Variants in ABTB2 observed in about 807,000 individuals in gnomAD.
ABTB2 encodes the protein ankyrin repeat and BTB domain containing 2, also known as ankyrin repeat and BTB/POZ domain-containing protein 2.
Under a neutral mutation model 104.1 loss-of-function variants are expected in ABTB2, and 56 were observed. That is an observed-to-expected ratio of 0.54 (90% CI 0.43 to 0.67). The LOEUF (loss-of-function observed/expected upper bound fraction) is 0.67, where lower values mean the gene tolerates loss of function less well. Among genes scored for constraint, ABTB2 ranks in the 30% least tolerant of loss-of-function variants. The pLI, the probability that ABTB2 is intolerant of heterozygous loss-of-function variation, is 0.00. For missense variants in ABTB2, 1,279 were observed against 1,407.7 expected, an observed-to-expected ratio of 0.91 and a Z score of 1.46; for synonymous variants, 606 against 608.2, an observed-to-expected ratio of 1.00 and a Z score of 0.05.
chr11:34,314,721 T>G (rs1045788776), intron 1 of ABTB2, among the ~76,000 whole-genome samples: 4 of 152,142 alleles, frequency 2.6e-5, no homozygotes, highest in African/African-American at 9.7e-5. Flanking sequence ...TTAGAAGGAC[T>G]GGCTAGATAA....
Position 34,157,878 on chromosome 11 carries a change from T to C in ABTB2, c.2697+1418A>G, listed in dbSNP as rs1852651462. Among the ~76,000 whole-genome samples the C allele has an allele frequency of 2.6e-5, 4 of 152,230 alleles. No individual in the cohort carries two copies. The South Asian group carries it at 8.3e-4, about 32-fold the overall frequency. ...GCCCCCTTCCATCCCTTCTTACCGC[T>C]GCAAATGCAAACTTGGCTGTTTTGC... is the stretch of plus-strand genomic sequence containing the variant. On this transcript the variant is annotated intron_variant, in intron 14 of 16. Transcript: ENST00000435224.
Position 34,152,273 on chromosome 11 carries a change from G to A in ABTB2, c.*114C>T. ...GGTGACAGGGGGGACATCTGGGGGA[G>A]GAGGAGGAAACAGCCCCGTGAACCT... On this transcript the variant is annotated 3_prime_UTR_variant, in exon 17 of 17. Coordinates refer to ENST00000435224, the MANE Select transcript of ABTB2 (RefSeq NM_145804.3). The A allele has an allele frequency of 8.5e-7, 1 of 1,172,340 alleles. No homozygotes were observed. Among genetic ancestry groups the A allele is most frequent in the East Asian group, 2.6e-5 (1 of 38,868 alleles). The allele number at this position is 1,172,340 out of a possible 1,614,324, so 72.6% of individuals were successfully genotyped here.
rs188820629 is a variant in ABTB2 at position 34,301,272 on chromosome 11, G to C, written c.883+55429C>G. ...AGTGCTTCCTTCTTTCCCGTAGTTA[G>C]TGTTTTTCAAAGAACATCATCTTGC... is the stretch of plus-strand genomic sequence containing the variant. On this transcript the variant is annotated intron_variant, in intron 1 of 16. Transcript: ENST00000435224. 2.0e-5 allele frequency among the ~76,000 whole-genome samples: 3 copies of C among 152,212 alleles called. No homozygotes were observed. In the East Asian group the frequency reaches 5.8e-4, roughly 29 times the overall value.
At chr11:34,253,399 T>G (rs373168455) in intron 1 of ABTB2, among the ~76,000 whole-genome samples, 1 of 152,214 alleles carries the variant, frequency 6.6e-6, no homozygotes. Flanking sequence ...CTTTCAAGGC[T>G]GGGCACAGTG....
In ABTB2 at chr11:34,357,450, G is replaced by C; in HGVS notation, c.134C>G (p.Ser45Trp). ...SKSNSQALNS[S>W]AQQHRGAAWW... ...GGCCGCCCCGCGGTGCTGCTGCGCC[G>C]AAGAGTTGAGCGCCTGCGAGTTGGA... Residue 45 changes from serine (S) to tryptophan (W), a missense_variant, in exon 1 of 17, where the codon TCG becomes TGG. Transcript: ENST00000435224. 2 of 1,548,274 alleles carry C rather than the reference G, an allele frequency of 1.3e-6. No individual in the cohort carries two copies. Among genetic ancestry groups the C allele is most frequent in the Non-Finnish European group, 1.7e-6 (2 of 1,146,838 alleles).
At chr11:34,183,533 C>T (rs1204304314) in intron 3 of ABTB2, among the ~76,000 whole-genome samples, 1 of 152,230 alleles carries the variant, frequency 6.6e-6, no homozygotes, top group Non-Finnish European at 1.5e-5. Flanking sequence ...CCCACGGTGG[C>T]CTGCTGCCGG....
chr11:34,225,153 C>T lies in ABTB2; in HGVS notation c.884-20463G>A, dbSNP rs535497853. Among the ~76,000 whole-genome samples, 30 of 152,280 alleles carry T rather than the reference C, an allele frequency of 2.0e-4. No individual in the cohort carries two copies. In the South Asian group the frequency reaches 5.4e-3, roughly 27 times the overall value. ...GGAAAAGCAATGTATTCATGACACCCGTCTCCTCCAATTGCTCAGCTAATG... is the reference window on the plus strand; with the variant it reads ...GGAAAAGCAATGTATTCATGACACCTGTCTCCTCCAATTGCTCAGCTAATG... On this transcript the variant is annotated intron_variant, in intron 1 of 16. Transcript: ENST00000435224.
intron 14 of ABTB2, among the ~76,000 whole-genome samples, chr11:34,155,348 C>T (rs1852608941): frequency 6.6e-6 from 1 of 152,262 alleles, no homozygotes; most frequent in Admixed American, 6.5e-5. Context: ...AAGCGCAGAG[C>T]CCAGGCCCGG....
At chr11:34,176,055 G>A (rs1441628027) in intron 3 of ABTB2, among the ~76,000 whole-genome samples, 6 of 152,302 alleles carry the variant, frequency 3.9e-5, no homozygotes, top group East Asian at 1.9e-4. Context: ...GCTGAGGCAG[G>A]TGGATCACAA....
chr11:34,165,532 CA>C (rs1470108017), intron 7 of ABTB2, among the ~76,000 whole-genome samples, 176 bp from the exon 8 acceptor site: 1 of 152,218 alleles, frequency 6.6e-6, no homozygotes, highest in African/African-American at 2.4e-5. Flanking sequence ...CCTCAGGGCT[CA>C]AAGTTTCTAG....
At chr11:34,237,352 A>G (rs1362650829) in intron 1 of ABTB2, among the ~76,000 whole-genome samples, 1 of 137,914 alleles carries the variant, frequency 7.3e-6, no homozygotes, top group Non-Finnish European at 1.5e-5. Flanking sequence ...ATCTCAGCTC[A>G]CTGCAACCTC....
intron 1 of ABTB2, among the ~76,000 whole-genome samples, chr11:34,302,290 A>T (rs1324053987): frequency 2.6e-5 from 4 of 152,240 alleles, no homozygotes; most frequent in Admixed American, 1.3e-4. Context: ...ACATTTCACC[A>T]TATCCAAGTG....
At chr11:34,334,812 A>C (rs1268443499) in intron 1 of ABTB2, among the ~76,000 whole-genome samples, 4 of 151,948 alleles carry the variant, frequency 2.6e-5, no homozygotes, top group Non-Finnish European at 5.9e-5. Context: ...TATTTTTGGA[A>C]GAAAGTAATT....
rs1054888074 is a variant in ABTB2, at chr11:34,165,474, A to G, written c.1756-118T>C. On this transcript the variant is annotated intron_variant, in intron 7 of 16. Coordinates refer to ENST00000435224, the MANE Select transcript of ABTB2 (RefSeq NM_145804.3). ...CTCTCCAGGCATGTGACCAAGACAC[A>G]GTTCACCCCAGCAGCTGAGGAACTG... 4 of 727,598 alleles carry G rather than the reference A, an allele frequency of 5.5e-6. No homozygotes were observed. In the African/African-American group the frequency reaches 7.1e-5, roughly 13 times the overall value. 45.1% of individuals were successfully genotyped at this position (727,598 alleles called of 1,614,324 possible).
chr11:34,247,566 G>A (rs1337953497), intron 1 of ABTB2, among the ~76,000 whole-genome samples: 9 of 152,326 alleles, frequency 5.9e-5, no homozygotes, highest in African/African-American at 1.7e-4. Context: ...TGTATTAAGT[G>A]CATTTTGATT....
At chr11:34,215,789 A>C (rs1400196526) in intron 1 of ABTB2, among the ~76,000 whole-genome samples, 2 of 152,234 alleles carry the variant, frequency 1.3e-5, no homozygotes, top group Non-Finnish European at 2.9e-5. Flanking sequence ...GTAAATAAAA[A>C]TATTTTTATT....
At chr11:34,284,834 C>T (rs952293236) in intron 1 of ABTB2, among the ~76,000 whole-genome samples, 1 of 152,258 alleles carries the variant, frequency 6.6e-6, no homozygotes, top group Non-Finnish European at 1.5e-5. Context: ...TGTGCCTGCA[C>T]ACACCCCACC....
chr11:34,184,082 A>C (rs983478644), intron 3 of ABTB2, among the ~76,000 whole-genome samples: 1 of 142,476 alleles, frequency 7.0e-6, no homozygotes, highest in African/African-American at 2.6e-5. Flanking sequence ...TTTTTTTTGT[A>C]GAGACAGGTC....
intron 1 of ABTB2, among the ~76,000 whole-genome samples, chr11:34,272,725 A>AC (rs1854333903): frequency 2.0e-5 from 3 of 150,012 alleles, no homozygotes; most frequent in Admixed American, 6.7e-5. Context: ...AAAAAAAAAA[A>AC]AAAAAACCAA....
Sources: allele counts gnomAD v4.1 joint callset (sites outside exome capture counted in the v4.1 genomes callset), GRCh38; gene constraint gnomAD v4.1.1; transcripts MANE v1.5; gene names NCBI Gene and HGNC (gene_info 2026-07-23, HGNC 2026-07-21).